The following ERG variants were observed in gnomAD, a reference collection of about 807,000 sequenced individuals.
The protein encoded by ERG is ETS transcription factor ERG, also known as transcriptional regulator ERG.
In ERG, 9 loss-of-function variants were observed where a neutral mutation model predicts 55.3. The observed-to-expected ratio is 0.16, with a 90% CI of 0.10 to 0.28. The LOEUF is 0.28. Ranked by LOEUF, ERG falls within the 10% of genes least tolerant of loss-of-function variation. The pLI, the probability that ERG is intolerant of heterozygous loss-of-function variation, is 1.00. For synonymous variants in ERG, 223 were observed against 237.3 expected (o/e 0.94, Z 0.55); for missense variants, 434 against 631.6 (o/e 0.69, Z 3.35).
chr21:38,608,735 G>A (rs2060209753), intron 1 of ERG, among the ~76,000 whole-genome samples: 2 of 152,020 alleles, frequency 1.3e-5, no homozygotes, highest in African/African-American at 4.8e-5. Flanking sequence ...CCACATACAG[G>A]GGCACCAGAA....
chr21:38,640,366 G>A (rs533541158), intron 1 of ERG, among the ~76,000 whole-genome samples: 5 of 152,288 alleles, frequency 3.3e-5, no homozygotes, highest in Middle Eastern at 3.4e-3. Context: ...GGGGGCATGA[G>A]CTAAATTCTC....
intron 1 of ERG, among the ~76,000 whole-genome samples, chr21:38,474,955 T>C (rs558751164): frequency 1.3e-5 from 2 of 152,260 alleles, no homozygotes; most frequent in South Asian, 4.1e-4. Context: ...GACATGCACA[T>C]GTGAATTAAT....
chr21:38,414,376 T>C (rs990903026), intron 3 of ERG, among the ~76,000 whole-genome samples: 3 of 152,186 alleles, frequency 2.0e-5, no homozygotes, highest in Non-Finnish European at 4.4e-5. Context: ...TCTAAGGAAC[T>C]GGGGGTTAGG....
chr21:38,629,666 T>C (rs972197870), intron 1 of ERG, among the ~76,000 whole-genome samples: 1 of 152,118 alleles, frequency 6.6e-6, no homozygotes, highest in Non-Finnish European at 1.5e-5. Context: ...GAGCATGAAA[T>C]AGTACAGCTG....
intron 1 of ERG, among the ~76,000 whole-genome samples, chr21:38,487,972 G>A (rs370274904): frequency 2.0e-5 from 3 of 152,024 alleles, no homozygotes; most frequent in African/African-American, 2.4e-5. Context: ...TAACATCTAC[G>A]TGAGACATGA....
At chr21:38,641,919 C>T (rs531662611) in intron 1 of ERG, among the ~76,000 whole-genome samples, 1 of 152,210 alleles carries the variant, frequency 6.6e-6, no homozygotes, top group African/African-American at 2.4e-5. Context: ...CACCCCAAGA[C>T]AGCCTGATTC....
At chr21:38,457,350 C>T (rs1041422837) in intron 1 of ERG, among the ~76,000 whole-genome samples, 2 of 151,760 alleles carry the variant, frequency 1.3e-5, no homozygotes, top group African/African-American at 2.4e-5. Flanking sequence ...GCAGGAGAAT[C>T]GCTTGAACCT....
intron 1 of ERG, among the ~76,000 whole-genome samples, chr21:38,657,746 G>A (rs1422372094): frequency 1.3e-5 from 2 of 152,046 alleles, no homozygotes; most frequent in African/African-American, 2.4e-5. Context: ...TGAGAGGTCC[G>A]TACACTGACA....
At chr21:38,645,837 C>T (rs1015618164) in intron 1 of ERG, among the ~76,000 whole-genome samples, 3 of 152,156 alleles carry the variant, frequency 2.0e-5, no homozygotes, top group Non-Finnish European at 4.4e-5. Flanking sequence ...TCTGTATAGC[C>T]GACTTGTTGA....
At chr21:38,409,758 C>G (rs1270649404) in intron 3 of ERG, among the ~76,000 whole-genome samples, 1 of 152,138 alleles carries the variant, frequency 6.6e-6, no homozygotes, top group Non-Finnish European at 1.5e-5. Context: ...AGAGAGAGCA[C>G]AGCAACATAC....
intron 1 of ERG, among the ~76,000 whole-genome samples, chr21:38,653,364 C>A (rs568805977): frequency 6.6e-6 from 1 of 152,172 alleles, no homozygotes; most frequent in Non-Finnish European, 1.5e-5. Flanking sequence ...CGGAGCACCC[C>A]CTCTGTGGAT....
At chr21:38,403,781 C>T in intron 3 of ERG, 72 bp from the exon 4 acceptor site, 7 of 1,437,232 alleles carry the variant, frequency 4.9e-6, no homozygotes, top group Non-Finnish European at 6.8e-6. Flanking sequence ...GATCCCCATC[C>T]ACGTGGGATT....
chr21:38,452,047 C>T (rs994453376), intron 1 of ERG, among the ~76,000 whole-genome samples: 1 of 152,158 alleles, frequency 6.6e-6, no homozygotes, highest in Non-Finnish European at 1.5e-5. Context: ...TAACACATTG[C>T]AATTTTAGTC....
At position 38,383,835 on chromosome 21, in the gene ERG, G is replaced by A. The variant is rs747955636; in HGVS notation, c.1008C>T (p.Asn336=). The change falls in exon 10 of 10, where the codon AAC becomes AAT. Residue 336 remains asparagine, a synonymous_variant. Coordinates refer to ENST00000288319, the MANE Select transcript of ERG (RefSeq NM_182918.4). This position sits in a 1 kb window ranked among gnomAD's most constrained non-coding sequence, Gnocchi z 5.7. ...CGGGATCCGTCATCTTGAACTCCCC[G>A]TTGGTGCCTTCCCAGGTGATGCAGC... The part of the protein sequence containing the change: ...NSSCITWEGT[N]GEFKMTDPDE... The A allele has an allele frequency of 6.8e-6, 11 of 1,614,044 alleles. No individual in the cohort carries two copies. The highest frequency in any genetic ancestry group is 1.7e-5 in the Admixed American group (1 of 60,006).
chr21:38,509,941 CTTCCCTCAGTCAAT>C (rs2059498483), intron 2 of ERG, among the ~76,000 whole-genome samples: 1 of 152,160 alleles, frequency 6.6e-6, no homozygotes. Flanking sequence ...GCCCCAGGGG[CTTCCCTCAGTCAAT>C]TTTGACTCTA....
chr21:38,383,971 A>T lies in ERG; in HGVS notation c.920-48T>A. On this transcript the variant is annotated intron_variant, in intron 9 of 9. Coordinates refer to ENST00000288319, the MANE Select transcript of ERG (RefSeq NM_182918.4). The surrounding 1 kb of genome is among the most constrained non-coding windows in gnomAD (Gnocchi z 5.7). ...GAAAACTCCAGTGAGCACAGGTTCCAGGGGAAAGAGGCTCTCTGTGATGAC... is the reference window on the plus strand; with the variant it reads ...GAAAACTCCAGTGAGCACAGGTTCCTGGGGAAAGAGGCTCTCTGTGATGAC... The T allele has an allele frequency of 6.4e-7, 1 of 1,564,098 alleles. No homozygotes were observed. Among genetic ancestry groups the T allele is most frequent in the Non-Finnish European group, 8.6e-7 (1 of 1,157,400 alleles).
chr21:38,380,290 G>T lies in ERG; in HGVS notation c.*3113C>A. 2 of 1,056,218 alleles carry T rather than the reference G, an allele frequency of 1.9e-6. No homozygotes were observed. Among genetic ancestry groups the T allele is most frequent in the Non-Finnish European group, 2.3e-6 (2 of 873,578 alleles). 65.4% of individuals were successfully genotyped at this position (1,056,218 alleles called of 1,614,324 possible). On this transcript the variant is annotated 3_prime_UTR_variant, in exon 10 of 10. Coordinates refer to ENST00000288319, the MANE Select transcript of ERG (RefSeq NM_182918.4). ...GCAGCTCCTCCGGCTCCTGCTCCTG[G>T]GTTGCAGGTGCCACATCTGTGCAGA...
intron 3 of ERG, among the ~76,000 whole-genome samples, chr21:38,405,417 C>T (rs978537126): frequency 9.2e-5 from 14 of 152,108 alleles, no homozygotes; most frequent in South Asian, 2.1e-4. Context: ...TGAATGAGTC[C>T]GCATTGGTCC....
At chr21:38,573,156 A>T (rs539715773) in intron 2 of ERG, among the ~76,000 whole-genome samples, 1 of 152,252 alleles carries the variant, frequency 6.6e-6, no homozygotes, top group South Asian at 2.1e-4. Flanking sequence ...TAGCCTCAAT[A>T]AACCAGGGGC....
Sources: allele counts gnomAD v4.1 joint callset (sites outside exome capture counted in the v4.1 genomes callset), GRCh38; gene constraint gnomAD v4.1.1; non-coding constraint Gnocchi (gnomAD v3.1); transcripts MANE v1.5; gene names NCBI Gene and HGNC (gene_info 2026-07-23, HGNC 2026-07-21).